The following UACA variants were observed in gnomAD, a reference collection of about 807,000 sequenced individuals.
UACA encodes uveal autoantigen with coiled-coil domains and ankyrin repeats.
In UACA, 112 loss-of-function variants were observed where a neutral mutation model predicts 160.5. The observed-to-expected ratio is 0.70, with a 90% CI of 0.60 to 0.82. The LOEUF is 0.82. UACA is among the 40% of genes least tolerant of loss of function. The pLI is 0.00. For missense variants in UACA, 1,574 were observed against 1,614.6 expected, an observed-to-expected ratio of 0.97 and a Z score of 0.43; for synonymous variants, 557 against 568.4, an observed-to-expected ratio of 0.98 and a Z score of 0.29.
intron 7 of UACA, among the ~76,000 whole-genome samples, chr15:70,686,147 T>A (rs76673167): frequency 7.9e-4 from 119 of 151,354 alleles, no homozygotes; most frequent in African/African-American, 2.4e-3. Flanking sequence ...TTTTTTTTTT[T>A]AATATTTAAA....
chr15:70,746,493 G>C (rs1392513033), intron 1 of UACA, among the ~76,000 whole-genome samples: 1 of 152,184 alleles, frequency 6.6e-6, no homozygotes, highest in Non-Finnish European at 1.5e-5. Flanking sequence ...ACAGATGCTG[G>C]AGAGGACATG....
intron 1 of UACA, among the ~76,000 whole-genome samples, chr15:70,710,398 T>C (rs1898648895): frequency 6.6e-6 from 1 of 152,192 alleles, no homozygotes; most frequent in African/African-American, 2.4e-5. Flanking sequence ...AATACTTCCG[T>C]GACCAAATGC....
In UACA at chr15:70,667,018, C is replaced by T. The variant is rs775720069; in HGVS notation, c.3666G>A (p.Glu1222=). The T allele has an allele frequency of 2.5e-6, 4 of 1,613,376 alleles. No individual in the cohort carries two copies. The South Asian group carries it at 4.4e-5, about 18-fold the overall frequency. ...CTTTATATTTAGACAAGTCAACTAC[C>T]TCTCTAGTCTCTAATTTTTTTAATG... ...KQALKKLETR[E]VVDLSKYKAT... Residue 1222 remains glutamate, a synonymous_variant, in exon 16 of 19, where the codon GAG becomes GAA. Coordinates refer to ENST00000322954, the MANE Select transcript of UACA (RefSeq NM_018003.4).
chr15:70,749,104 TTATACATA>T (rs1344527075), intron 1 of UACA: 1 of 222,764 alleles, frequency 4.5e-6, no homozygotes, highest in African/African-American at 2.3e-5. Flanking sequence ...TATGCTTTTA[TTATACATA>T]TATAGAGTGA....
At chr15:70,745,320 A>G (rs981830253) in intron 1 of UACA, among the ~76,000 whole-genome samples, 11 of 152,064 alleles carry the variant, frequency 7.2e-5, no homozygotes, top group Non-Finnish European at 1.6e-4. Flanking sequence ...CTGTAGTCCC[A>G]GCTACTTGGG....
Position 70,669,066 on chromosome 15 carries a change from C to T in UACA, c.1618G>A (p.Glu540Lys), listed in dbSNP as rs374373516. 37 of 1,613,906 alleles carry T rather than the reference C, an allele frequency of 2.3e-5. No individual in the cohort carries two copies. Among genetic ancestry groups the T allele is most frequent in the Non-Finnish European group, 2.6e-5 (31 of 1,179,998 alleles). Residue 540 changes from glutamate to lysine, a missense_variant, in exon 16 of 19, where the codon GAG becomes AAG. Coordinates refer to ENST00000322954, the MANE Select transcript of UACA (RefSeq NM_018003.4). ...EAASGNHRLT[E>K]ELKDQLKDLK... ...TCTTTCAACTGATCCTTCAGTTCCT[C>T]GGTTAGTCTGTGATTCCCTGAGGCT...
At chr15:70,748,755 T>C (rs1441385143) in intron 1 of UACA, among the ~76,000 whole-genome samples, 1 of 152,204 alleles carries the variant, frequency 6.6e-6, no homozygotes, top group Non-Finnish European at 1.5e-5. Context: ...TGCATACAGT[T>C]TCCTTTCTAA....
Position 70,669,025 on chromosome 15 carries a change from A to G in UACA, c.1659T>C (p.Tyr553=), listed in dbSNP as rs141625629. Residue 553 remains tyrosine (Y), a synonymous_variant, in exon 16 of 19, where the codon TAT becomes TAC. Coordinates refer to ENST00000322954, the MANE Select transcript of UACA (RefSeq NM_018003.4). ...TCCCCACTTCTGCTGAAGCACCTTCATATTTTACTTTCAAGTCTTTCAACT... is the reference window on the plus strand; with the variant it reads ...TCCCCACTTCTGCTGAAGCACCTTCGTATTTTACTTTCAAGTCTTTCAACT... ...KDQLKDLKVK[Y]EGASAEVGKL... The G allele has an allele frequency of 1.5e-4, 250 of 1,613,980 alleles. 2 individuals are homozygous for G. The South Asian group carries it at 2.5e-3, about 16-fold the overall frequency.
intron 17 of UACA, among the ~76,000 whole-genome samples, chr15:70,662,206 A>T (rs1025970430): frequency 6.6e-6 from 1 of 152,216 alleles, no homozygotes; most frequent in African/African-American, 2.4e-5. Context: ...AAGCATTCTT[A>T]TACACCAATA....
the UACA span, chr15:70,778,731 T>A: frequency 1.3e-5 from 2 of 152,248 alleles, no homozygotes; most frequent in African/African-American, 4.8e-5. Flanking sequence ...TTATACTGCC[T>A]ATTATATCTG....
At chr15:70,666,619 G>C in intron 16 of UACA, 105 bp downstream of exon 16, 1 of 907,818 alleles carries the variant, frequency 1.1e-6, no homozygotes. Context: ...AACTGGAAAG[G>C]GTCACTTTGT....
intron 1 of UACA, among the ~76,000 whole-genome samples, chr15:70,729,199 G>A (rs1340056060): frequency 6.6e-6 from 1 of 152,042 alleles, no homozygotes; most frequent in African/African-American, 2.4e-5. Flanking sequence ...TATACTCAAA[G>A]GAAAATAAAT....
In UACA at chr15:70,668,214, T is replaced by G; in HGVS notation, c.2470A>C (p.Lys824Gln). 1 of 1,612,168 alleles carries G rather than the reference T, an allele frequency of 6.2e-7. No homozygotes were observed. The highest frequency in any genetic ancestry group is 8.5e-7 in the Non-Finnish European group (1 of 1,179,652). The change falls in exon 16 of 19, where the codon AAG becomes CAG. Residue 824 changes from lysine to glutamine, a missense_variant. Lys to Gln is a moderately conservative substitution (Grantham distance 53). Coordinates refer to ENST00000322954, the MANE Select transcript of UACA (RefSeq NM_018003.4). The part of the protein sequence containing the change: ...IALKSNIVEL[K>Q]KQLSELKKKC... ...TTCTTAAGTTCAGACAGCTGTTTCTTAAGTTCAACAATATTGGATTTCAGA... is the reference window on the plus strand; with the variant it reads ...TTCTTAAGTTCAGACAGCTGTTTCTGAAGTTCAACAATATTGGATTTCAGA...
chr15:70,708,496 T>C (rs1379249549), intron 1 of UACA, among the ~76,000 whole-genome samples: 3 of 151,954 alleles, frequency 2.0e-5, no homozygotes, highest in Non-Finnish European at 1.5e-5. Flanking sequence ...GAGTTTGTTC[T>C]GTCACCCAGG....
At position 70,760,166 on chromosome 15, in the gene UACA, A is replaced by C. The variant is rs549475159; in HGVS notation, c.78+3164T>G. ...CAAATTAAGTACCCATAGAGGAAAG[A>C]GAAGAAAGTAAGATGTACTTTAACA... On this transcript the variant is annotated intron_variant, in intron 1 of 18. Coordinates refer to ENST00000322954, the MANE Select transcript of UACA (RefSeq NM_018003.4). Among the ~76,000 whole-genome samples the C allele has an allele frequency of 2.0e-3, 305 of 152,334 alleles. 5 individuals carry two copies. Among genetic ancestry groups the C allele is most frequent in the Non-Finnish European group, 2.9e-3 (197 of 68,024 alleles).
chr15:70,698,285 T>C (rs535484081), intron 2 of UACA, among the ~76,000 whole-genome samples: 23 of 152,296 alleles, frequency 1.5e-4, no homozygotes, highest in African/African-American at 3.4e-4. Flanking sequence ...TTCAGTGATA[T>C]AGGTTTCACT....
intron 12 of UACA, 142 bp from the exon 13 acceptor site, chr15:70,676,733 TAG>T (rs930345145): frequency 3.4e-5 from 21 of 611,594 alleles, no homozygotes; most frequent in Non-Finnish European, 5.9e-5. Flanking sequence ...TAACTACTAA[TAG>T]AGTTGATAAT....
Position 70,667,793 on chromosome 15 carries a change from T to G in UACA, c.2891A>C (p.His964Pro). 1 of 1,614,100 alleles carries G rather than the reference T, an allele frequency of 6.2e-7. No individual in the cohort carries two copies. Among genetic ancestry groups the G allele is most frequent in the Non-Finnish European group, 8.5e-7 (1 of 1,180,010 alleles). Residue 964 changes from histidine (H) to proline (P), a missense_variant, in exon 16 of 19, where the codon CAT (histidine) becomes CCT (proline). Physicochemically the swap from His to Pro is moderately conservative, Grantham distance 77. Transcript: ENST00000322954. ...RKGQEEIVTLHAEIKAQKKEL... is the reference protein window; with the variant it reads ...RKGQEEIVTLPAEIKAQKKEL... ...CTTCTTCTGGGCTTTAATTTCGGCA[T>G]GCAGTGTCACAATCTCTTCTTGGCC... is the stretch of plus-strand genomic sequence containing the variant.
the UACA span, among the ~76,000 whole-genome samples, chr15:70,778,277 C>T: frequency 2.0e-5 from 3 of 152,234 alleles, no homozygotes; most frequent in South Asian, 4.2e-4. Context: ...ACCCAAAGTA[C>T]TCATTTTGTA....
Sources: allele counts gnomAD v4.1 joint callset (sites outside exome capture counted in the v4.1 genomes callset), GRCh38; gene constraint gnomAD v4.1.1; transcripts MANE v1.5; gene names NCBI Gene and HGNC (gene_info 2026-07-23, HGNC 2026-07-21).